Variants in ZNF385D observed in about 807,000 individuals in gnomAD.
ZNF385D encodes the protein zinc finger protein 385D.
ZNF385D carries 15 observed loss-of-function variants against 35.8 expected under a neutral mutation model. The observed-to-expected ratio is 0.42, with a 90% confidence interval of 0.28 to 0.64. The LOEUF is 0.64. Ranked by LOEUF, ZNF385D falls within the 30% of genes least tolerant of loss-of-function variation. ZNF385D has a pLI of 0.23. For missense variants in ZNF385D, 474 were observed against 494.6 expected (o/e 0.96, Z 0.39); for synonymous variants, 212 against 186.8 (o/e 1.13, Z -1.10).
chr3:21,913,947 T>C (rs1021730187), intron 3 of ZNF385D, among the ~76,000 whole-genome samples: 2 of 152,050 alleles, frequency 1.3e-5, no homozygotes, highest in African/African-American at 4.8e-5. Context: ...AAGTAATCAG[T>C]TTGTATTATG....
At chr3:22,080,447 T>A (rs1700690324) in intron 3 of ZNF385D, among the ~76,000 whole-genome samples, 1 of 152,126 alleles carries the variant, frequency 6.6e-6, no homozygotes, top group Non-Finnish European at 1.5e-5. Flanking sequence ...CATATTTTGA[T>A]GGAAACTCAT....
At chr3:21,762,975 T>C (rs1484015446) in intron 3 of ZNF385D, among the ~76,000 whole-genome samples, 1 of 152,182 alleles carries the variant, frequency 6.6e-6, no homozygotes, top group African/African-American at 2.4e-5. Flanking sequence ...ACATCCTGCA[T>C]GCTAATCTCC....
chr3:21,560,208 G>A (rs1383975130), intron 3 of ZNF385D, among the ~76,000 whole-genome samples: 1 of 152,142 alleles, frequency 6.6e-6, no homozygotes, highest in Non-Finnish European at 1.5e-5. Context: ...TTACTGGCGA[G>A]GAGTTGTGAT....
intron 4 of ZNF385D, among the ~76,000 whole-genome samples, chr3:21,456,464 C>T (rs941786356): frequency 1.4e-4 from 22 of 152,094 alleles, no homozygotes; most frequent in Admixed American, 3.9e-4. Flanking sequence ...GAAACCATCA[C>T]TCTCAGCAAA....
chr3:22,108,894 C>A (rs1465272919), intron 3 of ZNF385D, among the ~76,000 whole-genome samples: 2 of 151,938 alleles, frequency 1.3e-5, no homozygotes, highest in Non-Finnish European at 2.9e-5. Context: ...TGCTTGTAGT[C>A]CCTGCTACTT....
intron 3 of ZNF385D, among the ~76,000 whole-genome samples, chr3:22,011,848 T>C (rs1696593003): frequency 6.6e-6 from 1 of 152,138 alleles, no homozygotes; most frequent in African/African-American, 2.4e-5. Flanking sequence ...TATCTAACTG[T>C]AAAGACTGTA....
At chr3:21,826,661 G>C (rs931699295) in intron 3 of ZNF385D, among the ~76,000 whole-genome samples, 6 of 152,050 alleles carry the variant, frequency 3.9e-5, no homozygotes, top group Non-Finnish European at 7.4e-5. Flanking sequence ...GCACTCTAAG[G>C]GTGGTGGGGG....
intron 3 of ZNF385D, among the ~76,000 whole-genome samples, chr3:21,984,523 A>G (rs1446318313): frequency 7.8e-6 from 1 of 127,898 alleles, no homozygotes; most frequent in African/African-American, 3.2e-5. Context: ...CCATTGATCT[A>G]TATCTCTGTT....
chr3:21,727,936 T>G (rs1011181224), intron 1 of ZNF385D, among the ~76,000 whole-genome samples: 8 of 152,194 alleles, frequency 5.3e-5, no homozygotes, highest in Middle Eastern at 3.4e-3. Flanking sequence ...AATGATAGAC[T>G]AGATAAAGAA....
chr3:22,061,372 T>C (rs1206941230), intron 3 of ZNF385D, among the ~76,000 whole-genome samples: 1 of 152,166 alleles, frequency 6.6e-6, no homozygotes, highest in Non-Finnish European at 1.5e-5. Flanking sequence ...TTTTCCTGCT[T>C]CCACCTATTC....
rs1261780054 is a variant in ZNF385D, at chr3:21,987,281, T to C, written c.325+181536A>G. Among the ~76,000 whole-genome samples the C allele has an allele frequency of 8.6e-5, 12 of 140,174 alleles. No homozygotes were observed. In the East Asian group the frequency reaches 2.0e-3, roughly 23 times the overall value. 92.0% of individuals were successfully genotyped at this position (140,174 alleles called of 152,430 possible). ...CCTAGTCTCGATGGTCTTTACATTT[T>C]GGCATGATTTTGCAGTGGCTGGTAC... On this transcript the variant is annotated intron_variant, in intron 3 of 5. Coordinates refer to the ZNF385D transcript ENST00000494108.
intron 3 of ZNF385D, among the ~76,000 whole-genome samples, chr3:21,770,666 C>T (rs62236243): frequency 0.16 from 24,552 of 151,990 alleles, 2,392 homozygotes; most frequent in Non-Finnish European, 0.21. Context: ...TCGACCATTG[C>T]GGAAGACAGT....
At chr3:21,664,785 C>A in intron 2 of ZNF385D, 101 bp downstream of exon 2, 1 of 1,501,582 alleles carries the variant, frequency 6.7e-7, no homozygotes, top group Non-Finnish European at 9.2e-7. Context: ...ATGCAATGAA[C>A]AATATAGCAA....
chr3:21,709,933 A>AC (rs2068038837), intron 1 of ZNF385D, among the ~76,000 whole-genome samples: 1 of 152,196 alleles, frequency 6.6e-6, no homozygotes, highest in African/African-American at 2.4e-5. Context: ...GCTACGGCAC[A>AC]CCCATACGTG....
At chr3:21,960,177 C>A (rs1024951319) in intron 3 of ZNF385D, among the ~76,000 whole-genome samples, 1 of 112,562 alleles carries the variant, frequency 8.9e-6, no homozygotes, top group Non-Finnish European at 2.1e-5. Flanking sequence ...CCAGAATATA[C>A]AAGAAACTCA....
chr3:22,083,083 A>G (rs908159386), intron 3 of ZNF385D, among the ~76,000 whole-genome samples: 3 of 152,242 alleles, frequency 2.0e-5, no homozygotes, highest in Non-Finnish European at 1.5e-5. Flanking sequence ...GGTCACCATC[A>G]TCAAAGACCA....
chr3:21,443,745 A>T (rs1350270887), intron 4 of ZNF385D, among the ~76,000 whole-genome samples: 1 of 152,204 alleles, frequency 6.6e-6, no homozygotes, highest in African/African-American at 2.4e-5. Context: ...TAATGTTCTA[A>T]GGGATTGGGT....
chr3:21,805,033 A>G (rs1188587071), intron 3 of ZNF385D, among the ~76,000 whole-genome samples: 1 of 152,156 alleles, frequency 6.6e-6, no homozygotes, highest in Non-Finnish European at 1.5e-5. Flanking sequence ...CCAACCTGAT[A>G]ATGGTGAGAG....
intron 3 of ZNF385D, among the ~76,000 whole-genome samples, chr3:21,770,035 T>G (rs1050117653): frequency 2.0e-5 from 3 of 152,162 alleles, no homozygotes; most frequent in Non-Finnish European, 2.9e-5. Flanking sequence ...GCTTGCCATA[T>G]GGAGAAAGCG....
Sources: gnomAD v4.1 joint callset for allele counts (sites outside exome capture counted in the v4.1 genomes callset) on GRCh38, gnomAD v4.1.1 for gene constraint, MANE v1.5 for transcripts, NCBI Gene and HGNC (gene_info 2026-07-23, HGNC 2026-07-21) for gene names.